The following PRH1 variants were observed in gnomAD, a reference collection of about 807,000 sequenced individuals.
PRH1 encodes the protein proline rich protein HaeIII subfamily 1, also known as salivary acidic proline-rich phosphoprotein 1/2.
In PRH1, 7 loss-of-function variants were observed where a neutral mutation model predicts 7.9. That is an observed-to-expected ratio of 0.89 (90% confidence interval 0.50 to 1.67). PRH1 has a LOEUF of 1.67. Among genes scored for constraint, PRH1 ranks in the 40% most tolerant of loss-of-function variants. The pLI is 0.00. For synonymous variants in PRH1, 45 were observed against 80.8 expected (o/e 0.56, Z 2.38); for missense variants, 109 against 223.6 (o/e 0.49, Z 3.27).
chr12:10,961,355 C>T (rs1938227417), intron 2 of PRH1, among the ~76,000 whole-genome samples: 1 of 150,912 alleles, frequency 6.6e-6, no homozygotes, highest in African/African-American at 2.5e-5. Flanking sequence ...AAGATGGCAG[C>T]ATCCCCCAAA....
intron 2 of PRH1, among the ~76,000 whole-genome samples, chr12:10,951,356 A>G (rs1937658459): frequency 6.6e-6 from 1 of 152,192 alleles, no homozygotes; most frequent in South Asian, 2.1e-4. Flanking sequence ...AGGAAGCTTG[A>G]TCATAACTTG....
At chr12:10,978,043 A>C (rs1018561969) in intron 1 of PRH1, among the ~76,000 whole-genome samples, 3 of 151,580 alleles carry the variant, frequency 2.0e-5, no homozygotes, top group African/African-American at 7.3e-5. Context: ...TTCTTCACCA[A>C]AGTAGAAAAA....
intron 1 of PRH1, among the ~76,000 whole-genome samples, chr12:11,098,979 C>G (rs1246299438): frequency 1.3e-5 from 2 of 152,104 alleles, no homozygotes; most frequent in African/African-American, 2.4e-5. Flanking sequence ...ATTTATTTAT[C>G]AAACATATCT....
chr12:11,135,150 A>T (rs917653639), intron 1 of PRH1, among the ~76,000 whole-genome samples: 3 of 152,130 alleles, frequency 2.0e-5, no homozygotes, highest in Non-Finnish European at 2.9e-5. Flanking sequence ...AATGTTCAGC[A>T]ATTTTATAAG....
intron 2 of PRH1, among the ~76,000 whole-genome samples, chr12:10,946,684 G>C (rs1233083711): frequency 6.6e-6 from 1 of 151,882 alleles, no homozygotes; most frequent in Non-Finnish European, 1.5e-5. Context: ...GCTAGCTTCG[G>C]GGTTGATTTG....
chr12:10,967,718 C>A (rs1938578233), intron 2 of PRH1, among the ~76,000 whole-genome samples: 1 of 152,220 alleles, frequency 6.6e-6, no homozygotes, highest in African/African-American at 2.4e-5. Flanking sequence ...ATGAACAGCA[C>A]TGGATCTCAA....
intron 2 of PRH1, among the ~76,000 whole-genome samples, chr12:10,926,479 C>A (rs1316417892): frequency 2.6e-5 from 4 of 152,094 alleles, no homozygotes; most frequent in Admixed American, 2.6e-4. Flanking sequence ...GAAATTTGGA[C>A]CTTATTGTAA....
chr12:10,982,877 C>T (rs4763603), intron 1 of PRH1, among the ~76,000 whole-genome samples: 74,056 of 151,666 alleles, frequency 0.49, 18,669 homozygotes, highest in Non-Finnish European at 0.52. Flanking sequence ...TATATATATA[C>T]TTCCTATCAC....
intron 2 of PRH1, among the ~76,000 whole-genome samples, chr12:10,941,550 AATTT>A (rs1165305194): frequency 7.1e-6 from 1 of 141,396 alleles, no homozygotes; most frequent in East Asian, 2.0e-4. Context: ...TTATTATTAA[AATTT>A]ATTATTTATT....
chr12:11,011,032 A>G (rs1426400612), intron 1 of PRH1, among the ~76,000 whole-genome samples: 1 of 152,046 alleles, frequency 6.6e-6, no homozygotes, highest in Non-Finnish European at 1.5e-5. Context: ...AAATTTCAGG[A>G]TTGTTTAACA....
chr12:10,883,177 C>T (rs1949435950), intron 1 of PRH1, 81 bp from the exon 2 acceptor site: 2 of 1,465,778 alleles, frequency 1.4e-6, no homozygotes, highest in South Asian at 1.1e-5. Flanking sequence ...GGATAAAGGA[C>T]CTCTGATCAC....
At chr12:10,888,981 T>C (rs1298894109), upstream of PRH1, among the ~76,000 whole-genome samples, 3 of 152,242 alleles carry the variant, frequency 2.0e-5, no homozygotes, top group Non-Finnish European at 4.4e-5. Context: ...ATGTCATTTT[T>C]CCACATTTCC....
At chr12:11,110,668 A>C (rs1945563681) in intron 1 of PRH1, among the ~76,000 whole-genome samples, 2 of 152,244 alleles carry the variant, frequency 1.3e-5, no homozygotes, top group South Asian at 4.1e-4. Flanking sequence ...AAATGTGGAA[A>C]GGAAAAACCA....
chr12:10,883,120 G>A (rs1486556179), intron 1 of PRH1, 24 bp from the exon 2 acceptor site: 21 of 1,611,358 alleles, frequency 1.3e-5, no homozygotes, highest in Non-Finnish European at 1.7e-5. Context: ...ACAGGATGAT[G>A]GGAAAAGTTA....
chr12:11,123,844 T>G (rs189471332), intron 1 of PRH1, among the ~76,000 whole-genome samples: 1 of 152,226 alleles, frequency 6.6e-6, no homozygotes, highest in Non-Finnish European at 1.5e-5. Flanking sequence ...TTTTTAGTTT[T>G]CTTGTTTTAG....
chr12:10,970,798 C>T (rs1294384302), intron 2 of PRH1, among the ~76,000 whole-genome samples: 2 of 144,224 alleles, frequency 1.4e-5, no homozygotes, highest in South Asian at 2.1e-4. Context: ...AACACCTGAC[C>T]TCAGGTGATC....
In PRH1 at chr12:11,097,867, C is replaced by T. The variant is rs1465650535; in HGVS notation, n.124-50679G>A. 3.6e-5 allele frequency among the ~76,000 whole-genome samples: 4 copies of T among 110,368 alleles called. 1 individual carries two copies. The highest frequency in any genetic ancestry group is 4.4e-4 in the East Asian group (2 of 4,586). 72.4% of individuals were successfully genotyped at this position (110,368 alleles called of 152,430 possible). A position where few individuals can be genotyped will look rare whatever the true frequency, so the allele number is the denominator to read the frequency against. On this transcript the variant is annotated intron_variant and non_coding_transcript_variant, in intron 1 of 4. Coordinates refer to the PRH1 transcript ENST00000541977. ...ACTATTATTCTTCCTCATGGCCTCA[C>T]GATTCTTCTATGATTCTCAGCATTA... is the stretch of plus-strand genomic sequence containing the variant.
intron 1 of PRH1, among the ~76,000 whole-genome samples, chr12:11,053,605 A>C (rs1328807121): frequency 1.3e-5 from 2 of 152,234 alleles, no homozygotes; most frequent in African/African-American, 2.4e-5. Context: ...TATCTCTTGG[A>C]AATTACATAG....
At chr12:10,964,615 G>C (rs11054093) in intron 2 of PRH1, 141,214 of 455,156 alleles carry the variant, frequency 0.31, 23,924 homozygotes, top group Non-Finnish European at 0.34. Context: ...AAATCGATGT[G>C]ATTAGGGACA....
Sources: allele counts gnomAD v4.1 joint callset (sites outside exome capture counted in the v4.1 genomes callset), GRCh38; gene constraint gnomAD v4.1.1; transcripts MANE v1.5; gene names NCBI Gene and HGNC (gene_info 2026-07-23, HGNC 2026-07-21).